ZMIZ1: variants seen among roughly 807,000 people sequenced by gnomAD.
ZMIZ1 encodes zinc finger MIZ-type containing 1, also known as zinc finger MIZ domain-containing protein 1.
In ZMIZ1, 17 loss-of-function variants were observed where a neutral mutation model predicts 113.9. The ratio of observed to expected loss-of-function variants is 0.15; its 90% CI spans 0.10 to 0.22. The LOEUF is 0.22. Ranked by LOEUF, ZMIZ1 falls within the 10% of genes least tolerant of loss-of-function variation. The probability of loss-of-function intolerance (pLI) is 1.00; values close to 1 mark genes in which losing one functional copy is unlikely to be tolerated. For missense variants in ZMIZ1, 1,059 were observed against 1,477.8 expected, an observed-to-expected ratio of 0.72 and a Z score of 4.65; for synonymous variants, 607 against 603.1, an observed-to-expected ratio of 1.01 and a Z score of -0.09.
intron 1 of ZMIZ1, among the ~76,000 whole-genome samples, chr10:79,106,078 A>G (rs1336213833): frequency 1.3e-5 from 2 of 152,218 alleles, no homozygotes; most frequent in Non-Finnish European, 2.9e-5. Context: ...GGCCAAGGAA[A>G]CCACTCTCGT....
At chr10:79,224,102 T>G (rs1849105065) in intron 7 of ZMIZ1, among the ~76,000 whole-genome samples, 1 of 152,166 alleles carries the variant, frequency 6.6e-6, no homozygotes, top group African/African-American at 2.4e-5. Context: ...AATGCTTACA[T>G]GTAATATTAA....
intron 8 of ZMIZ1, among the ~76,000 whole-genome samples, chr10:79,288,696 C>G (rs1238040993): frequency 2.0e-5 from 3 of 152,168 alleles, no homozygotes; most frequent in Non-Finnish European, 4.4e-5. Flanking sequence ...AGCTTCATCC[C>G]CAGCCTCCTG....
intron 4 of ZMIZ1, among the ~76,000 whole-genome samples, chr10:79,181,891 AC>A (rs1484083493): frequency 6.6e-6 from 1 of 152,014 alleles, no homozygotes; most frequent in East Asian, 1.9e-4. Context: ...CCGGCTCCCC[AC>A]CGGCAGCTGA....
At chr10:79,209,567 A>AGCGGGCATGGCCC (rs2132686756) in intron 6 of ZMIZ1, among the ~76,000 whole-genome samples, 2 of 152,362 alleles carry the variant, frequency 1.3e-5, no homozygotes, top group Non-Finnish European at 1.5e-5. Flanking sequence ...AGGCGGGAAC[A>AGCGGGCATGGCCC]GCGGGCATGG....
chr10:79,179,982 C>T (rs957542973), intron 4 of ZMIZ1, among the ~76,000 whole-genome samples: 28 of 152,276 alleles, frequency 1.8e-4, no homozygotes, highest in African/African-American at 6.5e-4. Context: ...CTGGGCCTGT[C>T]TTCCACTGAC....
chr10:79,135,882 T>TCGGC (rs984683032), intron 2 of ZMIZ1, among the ~76,000 whole-genome samples: 1 of 152,136 alleles, frequency 6.6e-6, no homozygotes, highest in African/African-American at 2.4e-5. Context: ...AGGGGCCCTC[T>TCGGC]CGGCCACCCA....
At chr10:79,134,364 T>G (rs1206797488) in intron 2 of ZMIZ1, among the ~76,000 whole-genome samples, 2 of 152,212 alleles carry the variant, frequency 1.3e-5, no homozygotes, top group Non-Finnish European at 2.9e-5. Flanking sequence ...TATTCTAGAC[T>G]GGACTCCAGT....
chr10:79,272,745 G>A (rs577121297), intron 7 of ZMIZ1, among the ~76,000 whole-genome samples: 1 of 152,366 alleles, frequency 6.6e-6, no homozygotes, highest in Admixed American at 6.5e-5. Context: ...TTGGAGAGGT[G>A]AGGGGAGCTC....
Position 79,229,355 on chromosome 10 carries a change from G to A in ZMIZ1, c.280+13081G>A, listed in dbSNP as rs537878616. 2.2e-4 allele frequency among the ~76,000 whole-genome samples: 33 copies of A among 152,352 alleles called. No homozygotes were observed. In the South Asian group the frequency reaches 6.8e-3, roughly 32 times the overall value. On this transcript the variant is annotated intron_variant, in intron 7 of 24. Transcript: ENST00000334512. ...AGAGAGACACAGAACCCAGAGCTCG[G>A]GAAGTCTGGCCACGGCTTTCCTTGA...
intron 18 of ZMIZ1, 134 bp from the exon 19 acceptor site, chr10:79,303,881 C>G (rs1390377116): frequency 1.5e-6 from 2 of 1,299,794 alleles, no homozygotes; most frequent in Admixed American, 4.1e-5. Context: ...ACTGCCCTCT[C>G]AGCGTTTGGT....
At chr10:79,212,107 A>C (rs1848551931) in intron 6 of ZMIZ1, among the ~76,000 whole-genome samples, 1 of 151,792 alleles carries the variant, frequency 6.6e-6, no homozygotes, top group Non-Finnish European at 1.5e-5. Flanking sequence ...GGACTAATGT[A>C]ATTCACCACG....
chr10:79,094,749 G>T (rs758724394), intron 1 of ZMIZ1, among the ~76,000 whole-genome samples: 20 of 152,206 alleles, frequency 1.3e-4, no homozygotes, highest in Non-Finnish European at 2.1e-4. Context: ...AGGAGTTCGA[G>T]ACTAGCCTGG....
At chr10:79,232,031 A>G (rs557321129) in intron 7 of ZMIZ1, among the ~76,000 whole-genome samples, 3 of 152,300 alleles carry the variant, frequency 2.0e-5, no homozygotes, top group East Asian at 3.9e-4. Context: ...TTTTTGGAGA[A>G]TCTAGTGGAG....
intron 1 of ZMIZ1, among the ~76,000 whole-genome samples, chr10:79,080,116 C>T (rs1343691304): frequency 6.6e-6 from 1 of 152,156 alleles, no homozygotes; most frequent in Non-Finnish European, 1.5e-5. Context: ...ACTCTGCCTC[C>T]CTGCTCGCAG....
At chr10:79,134,043 G>A (rs1460605138) in intron 2 of ZMIZ1, among the ~76,000 whole-genome samples, 1 of 152,064 alleles carries the variant, frequency 6.6e-6, no homozygotes, top group African/African-American at 2.4e-5. Context: ...TTTTATAGCT[G>A]TCACACAGGA....
intron 1 of ZMIZ1, among the ~76,000 whole-genome samples, chr10:79,096,094 T>C (rs1843157458): frequency 1.3e-5 from 2 of 152,204 alleles, no homozygotes; most frequent in African/African-American, 2.4e-5. Context: ...GGTCCTCAGC[T>C]TCCACCAGCC....
At chr10:79,132,044 G>A (rs1646947169) in intron 2 of ZMIZ1, among the ~76,000 whole-genome samples, 1 of 152,210 alleles carries the variant, frequency 6.6e-6, no homozygotes, top group South Asian at 2.1e-4. Context: ...ACTGGGGAGT[G>A]TAAAACTTCC....
At chr10:79,109,744 A>C (rs1429017418) in intron 1 of ZMIZ1, among the ~76,000 whole-genome samples, 1 of 152,250 alleles carries the variant, frequency 6.6e-6, no homozygotes, top group African/African-American at 2.4e-5. Flanking sequence ...TGTTGCCAGC[A>C]TGTGGCCCTA....
intron 8 of ZMIZ1, among the ~76,000 whole-genome samples, chr10:79,288,384 T>C (rs568570192): frequency 6.6e-6 from 1 of 152,262 alleles, no homozygotes; most frequent in South Asian, 2.1e-4. Context: ...TCAGCTAGGG[T>C]ACAAGTCTGC....
Sources: gnomAD v4.1 joint callset for allele counts (sites outside exome capture counted in the v4.1 genomes callset) on GRCh38, gnomAD v4.1.1 for gene constraint, MANE v1.5 for transcripts, NCBI Gene and HGNC (gene_info 2026-07-23, HGNC 2026-07-21) for gene names.